PCDH9: variants seen among roughly 807,000 people sequenced by gnomAD.
PCDH9 encodes the protein protocadherin 9, also known as protocadherin-9.
In PCDH9, 24 loss-of-function variants were observed where a neutral mutation model predicts 70.6. The ratio of observed to expected loss-of-function variants is 0.34; its 90% CI spans 0.25 to 0.48. The LOEUF (loss-of-function observed/expected upper bound fraction) is 0.48. Among genes scored for constraint, PCDH9 ranks in the 20% least tolerant of loss-of-function variants. The pLI is 0.99. For missense variants in PCDH9, 1,281 were observed against 1,503.6 expected, an observed-to-expected ratio of 0.85 and a Z score of 2.45; for synonymous variants, 562 against 558.5, an observed-to-expected ratio of 1.01 and a Z score of -0.09.
chr13:66,472,409 A>C (rs917731473), intron 4 of PCDH9, among the ~76,000 whole-genome samples: 1 of 151,996 alleles, frequency 6.6e-6, no homozygotes, highest in Non-Finnish European at 1.5e-5. Context: ...ATCTCTACAA[A>C]AAATTTTAAC....
chr13:66,575,964 G>A (rs1200043191), intron 4 of PCDH9, among the ~76,000 whole-genome samples: 1 of 151,260 alleles, frequency 6.6e-6, no homozygotes, highest in Non-Finnish European at 1.5e-5. Flanking sequence ...TTAGCACATA[G>A]GCATAGTACA....
intron 3 of PCDH9, among the ~76,000 whole-genome samples, chr13:66,714,408 G>A (rs1336377116): frequency 6.6e-6 from 1 of 151,034 alleles, no homozygotes; most frequent in East Asian, 1.9e-4. Context: ...AGCTTGCAGT[G>A]AGCCAAGATC....
intron 4 of PCDH9, among the ~76,000 whole-genome samples, chr13:66,484,059 A>T (rs961679876): frequency 6.6e-6 from 1 of 152,024 alleles, no homozygotes; most frequent in South Asian, 2.1e-4. Flanking sequence ...GGGGAAAACC[A>T]TCTCCCTTCT....
At chr13:66,957,782 C>T (rs1235708180) in intron 2 of PCDH9, among the ~76,000 whole-genome samples, 1 of 152,052 alleles carries the variant, frequency 6.6e-6, no homozygotes, top group Non-Finnish European at 1.5e-5. Context: ...CCCAACCACA[C>T]TGGCACTCTG....
intron 4 of PCDH9, among the ~76,000 whole-genome samples, chr13:66,563,417 C>T (rs768492852): frequency 6.6e-6 from 1 of 152,138 alleles, no homozygotes; most frequent in East Asian, 1.9e-4. Flanking sequence ...CAGTCAAAAC[C>T]ACCCTACATA....
chr13:66,487,303 A>G (rs1004266084), intron 4 of PCDH9, among the ~76,000 whole-genome samples: 2 of 152,204 alleles, frequency 1.3e-5, no homozygotes, highest in African/African-American at 4.8e-5. Context: ...TATATAGGTG[A>G]CATGCAATAA....
chr13:66,765,704 T>C (rs184279519), intron 3 of PCDH9, among the ~76,000 whole-genome samples: 1 of 152,228 alleles, frequency 6.6e-6, no homozygotes, highest in East Asian at 1.9e-4. Context: ...TCAAATGTTG[T>C]ACTTCAAGTT....
intron 2 of PCDH9, among the ~76,000 whole-genome samples, chr13:67,034,672 C>T (rs201434104): frequency 3.5e-5 from 5 of 143,846 alleles, no homozygotes; most frequent in Non-Finnish European, 3.0e-5. Flanking sequence ...CCATTTCTTT[C>T]TTTTTTTTTT....
At chr13:66,938,327 A>G (rs2082951405) in intron 2 of PCDH9, among the ~76,000 whole-genome samples, 1 of 152,216 alleles carries the variant, frequency 6.6e-6, no homozygotes, top group East Asian at 1.9e-4. Context: ...ACCAGAATAA[A>G]TAAAGCATTG....
intron 2 of PCDH9, among the ~76,000 whole-genome samples, chr13:66,934,002 T>C (rs1047421334): frequency 6.6e-6 from 1 of 151,886 alleles, no homozygotes; most frequent in East Asian, 1.9e-4. Flanking sequence ...ATTAATCAAT[T>C]TTTCAATGTC....
In PCDH9 at chr13:66,796,903, G is replaced by T. The variant is rs990261585; in HGVS notation, c.3138+106601C>A. Among the ~76,000 whole-genome samples the T allele has an allele frequency of 3.9e-5, 6 of 152,164 alleles. No homozygotes were observed. The South Asian group carries it at 8.3e-4, about 21-fold the overall frequency. The stretch of plus-strand genomic sequence containing the variant: ...AGATTATAAAAAAGAAGTAAATTTT[G>T]ATTTCTGTGGCAGATGAAGACTTTA... On this transcript the variant is annotated intron_variant, in intron 3 of 4. Coordinates refer to ENST00000377865, the MANE Select transcript of PCDH9 (RefSeq NM_203487.3).
At chr13:66,458,913 T>C (rs1295705793) in intron 4 of PCDH9, among the ~76,000 whole-genome samples, 2 of 151,972 alleles carry the variant, frequency 1.3e-5, no homozygotes, top group East Asian at 3.9e-4. Context: ...GGTGGTAATG[T>C]TTATGCAGTG....
intron 2 of PCDH9, among the ~76,000 whole-genome samples, chr13:67,145,312 T>C (rs968874585): frequency 6.6e-6 from 1 of 152,078 alleles, no homozygotes; most frequent in Non-Finnish European, 1.5e-5. Flanking sequence ...GAAGTGTCTC[T>C]CTATTAAGAT....
At chr13:66,780,108 G>A (rs1243537095) in intron 3 of PCDH9, among the ~76,000 whole-genome samples, 1 of 151,568 alleles carries the variant, frequency 6.6e-6, no homozygotes, top group Non-Finnish European at 1.5e-5. Context: ...GCTGCTCTAG[G>A]CACACAAGAA....
intron 2 of PCDH9, among the ~76,000 whole-genome samples, chr13:67,012,675 T>A (rs1440496607): frequency 6.6e-6 from 1 of 151,980 alleles, no homozygotes; most frequent in South Asian, 2.1e-4. Flanking sequence ...AGCCTCTGAC[T>A]CATCCAGCTT....
chr13:67,194,277 A>T (rs770501416), intron 2 of PCDH9, among the ~76,000 whole-genome samples: 2 of 152,118 alleles, frequency 1.3e-5, no homozygotes, highest in Non-Finnish European at 2.9e-5. Context: ...ATGTTGATTC[A>T]CTCATAAAAT....
At chr13:67,010,038 A>G (rs73211164) in intron 2 of PCDH9, among the ~76,000 whole-genome samples, 33,022 of 151,904 alleles carry the variant, frequency 0.22, 3,937 homozygotes, top group Admixed American at 0.27. Context: ...AGGAAATGTG[A>G]AGAGCAAGTT....
chr13:66,488,933 A>T (rs577935694), intron 4 of PCDH9, among the ~76,000 whole-genome samples: 74 of 152,286 alleles, frequency 4.9e-4, no homozygotes, highest in Middle Eastern at 3.4e-3. Context: ...ATTAGTTCCC[A>T]CAGGCGAGTA....
intron 2 of PCDH9, chr13:67,221,476 T>A (rs952274601): frequency 6.6e-6 from 1 of 152,080 alleles, no homozygotes; most frequent in Admixed American, 6.6e-5. Flanking sequence ...CATTCCTCAA[T>A]ATATAGAAAA....
Sources: gnomAD v4.1 joint callset for allele counts (sites outside exome capture counted in the v4.1 genomes callset) on GRCh38, gnomAD v4.1.1 for gene constraint, MANE v1.5 for transcripts, NCBI Gene and HGNC (gene_info 2026-07-23, HGNC 2026-07-21) for gene names.